ACE: variants seen among roughly 807,000 people sequenced by gnomAD.
The protein encoded by ACE is angiotensin I converting enzyme, also known as angiotensin-converting enzyme.
A neutral mutation model predicts 162.3 loss-of-function variants in ACE; 122 were observed. The observed-to-expected ratio is 0.75, with a 90% CI of 0.65 to 0.87. ACE has a LOEUF of 0.87. ACE is among the 40% of genes least tolerant of loss of function. The pLI, the probability that ACE is intolerant of heterozygous loss-of-function variation, is 0.00. For synonymous variants in ACE, 796 were observed against 720.6 expected (o/e 1.10, Z -1.68); for missense variants, 1,799 against 1,735.1 (o/e 1.04, Z -0.65).
In ACE at chr17:63,491,865, A is replaced by T. The variant is rs2030409138; in HGVS notation, c.2912+484A>T. On this transcript the variant is annotated intron_variant, in intron 19 of 24. Transcript: ENST00000290866. This position sits in a 1 kb window ranked among gnomAD's most constrained non-coding sequence, Gnocchi z 4.4. ...AGCACCCCAGAGCTTAGCCTTACGA[A>T]ACAACCAGTTGATTTTGCTTATGAT... Among the ~76,000 whole-genome samples, 1 of 152,172 alleles carries T rather than the reference A, an allele frequency of 6.6e-6. No individual in the cohort carries two copies. The highest frequency in any genetic ancestry group is 6.5e-5 in the Admixed American group (1 of 15,290).
chr17:63,479,672 T>G, intron 3 of ACE, 97 bp from the exon 4 acceptor site: 1 of 1,519,324 alleles, frequency 6.6e-7, no homozygotes, highest in Non-Finnish European at 9.0e-7. Flanking sequence ...TTCAGGAAGC[T>G]GGTGGGAGCA....
In ACE at chr17:63,487,138, C is replaced by A; in HGVS notation, c.2305+65C>A. On this transcript the variant is annotated intron_variant, in intron 15 of 24. Transcript: ENST00000290866. ...GGGACTGGCATGGGGCCCGGGGGTG[C>A]TGGGTGAGAGCACAGAGTTGGGTTC... 2.8e-6 allele frequency: 4 copies of A among 1,415,828 alleles called. No individual in the cohort carries two copies. In the South Asian group the frequency reaches 4.6e-5, roughly 16 times the overall value. The allele number at this position is 1,415,828 out of a possible 1,614,324, so 87.7% of individuals were successfully genotyped here. A position where few individuals can be genotyped will look rare whatever the true frequency, so the allele number is the denominator to read the frequency against.
intron 6 of ACE, 36 bp downstream of exon 6, chr17:63,481,224 C>CG: frequency 1.3e-6 from 1 of 784,654 alleles, no homozygotes; most frequent in Non-Finnish European, 1.9e-6. Context: ...TGGTGGGGGT[C>CG]GGGGGTGGGG....
rs1397259349 is a variant in ACE, at chr17:63,491,305, C to G, written c.2836C>G (p.Leu946Val). The change falls in exon 19 of 25, where the codon CTG becomes GTG. Residue 946 changes from leucine (L) to valine (V), a missense_variant. Physicochemically the swap from Leu to Val is conservative, Grantham distance 32 (BLOSUM62 1). Coordinates refer to ENST00000290866, the MANE Select transcript of ACE (RefSeq NM_000789.4). The surrounding 1 kb of genome is among the most constrained non-coding windows in gnomAD (Gnocchi z 4.4). ...VPPEFWNKSMLEKPTDGREVV... is the reference protein window; with the variant it reads ...VPPEFWNKSMVEKPTDGREVV... ...TCCTGAGTTCTGGAACAAGTCGATG[C>G]TGGAGAAGCCAACCGACGGGCGGGA... is the stretch of plus-strand genomic sequence containing the variant. The G allele has an allele frequency of 2.5e-6, 4 of 1,614,176 alleles. No homozygotes were observed. Among genetic ancestry groups the G allele is most frequent in the South Asian group, 2.2e-5 (2 of 91,092 alleles).
In ACE at chr17:63,483,568, C is replaced by CGG; in HGVS notation, c.1586+10_1586+11insGG. ...TGACACCATACATCAGGTATTAGCGCCCCCACCCCACCCACCCCCAGTACT... is the reference window on the plus strand; with the variant it reads ...TGACACCATACATCAGGTATTAGCGCGGCCCCACCCCACCCACCCCCAGTACT... On this transcript the variant is annotated intron_variant, in intron 10 of 24. Coordinates refer to ENST00000290866, the MANE Select transcript of ACE (RefSeq NM_000789.4). 8 of 1,585,792 alleles carry CGG rather than the reference C, an allele frequency of 5.0e-6. No individual in the cohort carries two copies. Among genetic ancestry groups the CGG allele is most frequent in the Non-Finnish European group, 6.0e-6 (7 of 1,159,898 alleles).
chr17:63,494,032 A>G lies in ACE; in HGVS notation c.3247A>G (p.Lys1083Glu). ...GAGGGTATTTGATGGAAGCATCACC[A>G]AGGAGAACTATAACCAGGAGTGGTG... is the stretch of plus-strand genomic sequence containing the variant. ...RWRVFDGSITKENYNQEWWSL... is the reference protein window; with the variant it reads ...RWRVFDGSITEENYNQEWWSL... Residue 1083 changes from lysine (K) to glutamate (E), a missense_variant, in exon 21 of 25, where the codon AAG becomes GAG. By Grantham distance (56) the Lys-to-Glu change is moderately conservative. Coordinates refer to ENST00000290866, the MANE Select transcript of ACE (RefSeq NM_000789.4). 1 of 1,614,092 alleles carries G rather than the reference A, an allele frequency of 6.2e-7. No homozygotes were observed. The highest frequency in any genetic ancestry group is 8.5e-7 in the Non-Finnish European group (1 of 1,180,024).
chr17:63,482,965 A>G, intron 8 of ACE, 64 bp from the exon 9 acceptor site: 1 of 1,556,706 alleles, frequency 6.4e-7, no homozygotes, highest in South Asian at 1.1e-5. Context: ...GCCAGCCCAC[A>G]CTCTTAGGGG....
At chr17:63,487,698 A>T (rs1214621122) in intron 15 of ACE, among the ~76,000 whole-genome samples, 5 of 151,918 alleles carry the variant, frequency 3.3e-5, no homozygotes, top group African/African-American at 1.2e-4. Flanking sequence ...CGACACAAGG[A>T]CCCGCACACA....
chr17:63,485,449 G>C (rs2029876485), intron 13 of ACE, 77 bp downstream of exon 13: 2 of 1,583,594 alleles, frequency 1.3e-6, no homozygotes, highest in East Asian at 4.5e-5. Context: ...CCACACAGTG[G>C]GGCTGCCACC....
chr17:63,484,884 C>T lies in ACE; in HGVS notation c.1921+343C>T, dbSNP rs547129536. Reference sequence around the variant, plus strand: ...CCTGCGGCCATGGGCCAGGGTTGGGCTACTGCAGGACTTCCCAGCCTCCTC... The same window carrying T: ...CCTGCGGCCATGGGCCAGGGTTGGGTTACTGCAGGACTTCCCAGCCTCCTC... On this transcript the variant is annotated intron_variant, in intron 12 of 24. Transcript: ENST00000290866. This position sits in a 1 kb window ranked among gnomAD's most constrained non-coding sequence, Gnocchi z 4.0. 10 of 1,588,350 alleles carry T rather than the reference C, an allele frequency of 6.3e-6. No homozygotes were observed. In the African/African-American group the frequency reaches 1.2e-4, roughly 19 times the overall value.
chr17:63,483,569 C>CCT lies in ACE; in HGVS notation c.1586+12_1586+13insTC. The CCT allele has an allele frequency of 1.2e-6, 1 of 805,820 alleles. No individual in the cohort carries two copies. Among genetic ancestry groups the CCT allele is most frequent in the Non-Finnish European group, 2.0e-6 (1 of 507,772 alleles). 49.9% of individuals were successfully genotyped at this position (805,820 alleles called of 1,614,324 possible). A position where few individuals can be genotyped will look rare whatever the true frequency, so the allele number is the denominator to read the frequency against. ...GACACCATACATCAGGTATTAGCGC[C>CCT]CCCACCCCACCCACCCCCAGTACTG... On this transcript the variant is annotated intron_variant, in intron 10 of 24. Coordinates refer to ENST00000290866, the MANE Select transcript of ACE (RefSeq NM_000789.4).
At position 63,484,933 on chromosome 17, in the gene ACE, C is replaced by T. The variant is rs1330572442; in HGVS notation, c.1922-303C>T. ...TCTTCCTGCTGCTCTGCTACGGGCACCCTCTGCTGGTCCCCAGCCAGGAGG... is the reference window on the plus strand; with the variant it reads ...TCTTCCTGCTGCTCTGCTACGGGCATCCTCTGCTGGTCCCCAGCCAGGAGG... On this transcript the variant is annotated intron_variant, in intron 12 of 24. Transcript: ENST00000290866. This position sits in a 1 kb window ranked among gnomAD's most constrained non-coding sequence, Gnocchi z 4.0. 1 of 1,597,562 alleles carries T rather than the reference C, an allele frequency of 6.3e-7. No individual in the cohort carries two copies. Among genetic ancestry groups the T allele is most frequent in the South Asian group, 1.1e-5 (1 of 88,248 alleles).
At chr17:63,481,813 A>G (rs2147532253) in intron 7 of ACE, 75 bp downstream of exon 7, 2 of 1,599,794 alleles carry the variant, frequency 1.3e-6, no homozygotes, top group Non-Finnish European at 1.7e-6. Context: ...GCCCAGGCGC[A>G]GGGAAGCTGG....
chr17:63,483,036 C>A lies in ACE; in HGVS notation c.1350C>A (p.Asp450Glu). The A allele has an allele frequency of 6.2e-7, 1 of 1,614,158 alleles. No homozygotes were observed. The highest frequency in any genetic ancestry group is 8.5e-7 in the Non-Finnish European group (1 of 1,179,994). ...LDRVTNDTES[D>E]INYLLKMALE... ...CATCTCATCTCCCAACAGAAAGTGACATCAATTACTTGCTAAAAATGGCAC... is the reference window on the plus strand; with the variant it reads ...CATCTCATCTCCCAACAGAAAGTGAAATCAATTACTTGCTAAAAATGGCAC... Residue 450 changes from aspartate to glutamate, a missense_variant, in exon 9 of 25, where the codon GAC becomes GAA. Coordinates refer to ENST00000290866, the MANE Select transcript of ACE (RefSeq NM_000789.4).
chr17:63,483,082 C>T lies in ACE; in HGVS notation c.1396C>T (p.Pro466Ser). 6.2e-7 allele frequency: 1 copy of T among 1,614,222 alleles called. No individual in the cohort carries two copies. The highest frequency in any genetic ancestry group is 8.5e-7 in the Non-Finnish European group (1 of 1,180,044). Reference protein sequence around the residue: ...KMALEKIAFLPFGYLVDQWRW... With the variant: ...KMALEKIAFLSFGYLVDQWRW... ...GGCACTGGAAAAAATTGCCTTCCTG[C>T]CCTTTGGCTACTTGGTGGACCAGTG... Residue 466 changes from proline to serine, a missense_variant, in exon 9 of 25, where the codon CCC becomes TCC. Coordinates refer to ENST00000290866, the MANE Select transcript of ACE (RefSeq NM_000789.4).
intron 13 of ACE, 142 bp downstream of exon 13, chr17:63,485,514 C>A: frequency 8.2e-7 from 1 of 1,213,782 alleles, no homozygotes; most frequent in Non-Finnish European, 1.2e-6. Context: ...GGCGCGGTGG[C>A]TCACGCCTGT....
In ACE at chr17:63,493,521, A is replaced by G; in HGVS notation, c.2998A>G (p.Lys1000Glu). 1.2e-6 allele frequency: 2 copies of G among 1,614,092 alleles called. No homozygotes were observed. Among genetic ancestry groups the G allele is most frequent in the Non-Finnish European group, 1.7e-6 (2 of 1,180,036 alleles). ...MGHIQYFMQYKDLPVALREGA... is the reference protein window; with the variant it reads ...MGHIQYFMQYEDLPVALREGA... ...CCACATCCAGTATTTCATGCAGTAC[A>G]AAGACTTACCTGTGGCCTTGAGGGA... is the stretch of plus-strand genomic sequence containing the variant. Residue 1000 changes from lysine to glutamate, a missense_variant, in exon 20 of 25, where the codon AAA (lysine) becomes GAA (glutamate). Lys to Glu is a moderately conservative substitution (Grantham distance 56). Transcript: ENST00000290866.
At chr17:63,490,790 C>A in intron 17 of ACE, 164 bp from the exon 18 acceptor site, 1 of 710,302 alleles carries the variant, frequency 1.4e-6, no homozygotes, top group Non-Finnish European at 2.5e-6. Flanking sequence ...TGGATATGCA[C>A]ACCAAAGATG....
Position 63,490,963 on chromosome 17 carries a change from G to T in ACE, c.2651G>T (p.Trp884Leu). ...CCACACTCGCCTCCAGGGAACATGT[G>T]GGCGCAGACCTGGTCCAACATCTAT... ...PIPAHLLGNM[W>L]AQTWSNIYDL... The change falls in exon 18 of 25, where the codon TGG becomes TTG. Residue 884 changes from tryptophan to leucine, a missense_variant. By Grantham distance (61) the Trp-to-Leu change is moderately conservative. Transcript: ENST00000290866. 6.2e-7 allele frequency: 1 copy of T among 1,614,184 alleles called. No homozygotes were observed. The highest frequency in any genetic ancestry group is 8.5e-7 in the Non-Finnish European group (1 of 1,180,014).
Sources: allele counts gnomAD v4.1 joint callset (sites outside exome capture counted in the v4.1 genomes callset), GRCh38; gene constraint gnomAD v4.1.1; non-coding constraint Gnocchi (gnomAD v3.1); transcripts MANE v1.5; gene names NCBI Gene and HGNC (gene_info 2026-07-23, HGNC 2026-07-21).